SNX25: variants seen among roughly 807,000 people sequenced by gnomAD.
The protein encoded by SNX25 is sorting nexin-25.
Under a neutral mutation model 113.7 loss-of-function variants are expected in SNX25, and 62 were observed. The ratio of observed to expected loss-of-function variants is 0.55; its 90% confidence interval spans 0.44 to 0.67. SNX25 has a LOEUF of 0.67. Ranked by LOEUF, SNX25 falls within the 30% of genes least tolerant of loss-of-function variation. The probability of loss-of-function intolerance (pLI) is 0.00; values close to 1 mark genes in which losing one functional copy is unlikely to be tolerated. For synonymous variants in SNX25, 421 were observed against 436.2 expected (o/e 0.97, Z 0.43); for missense variants, 1,014 against 1,161.0 (o/e 0.87, Z 1.84).
At chr4:185,208,000 T>C (rs1186683154), upstream of SNX25, among the ~76,000 whole-genome samples, 1 of 152,226 alleles carries the variant, frequency 6.6e-6, no homozygotes, top group Non-Finnish European at 1.5e-5. Context: ...GTGCTTTATT[T>C]GAATAATTTG....
chr4:185,279,341 A>G (rs886408017), intron 5 of SNX25, among the ~76,000 whole-genome samples: 1 of 152,086 alleles, frequency 6.6e-6, no homozygotes, highest in African/African-American at 2.4e-5. Context: ...TGGTTACCTC[A>G]GTGTTCTGTT....
At chr4:185,313,042 G>T (rs1417252219) in intron 7 of SNX25, among the ~76,000 whole-genome samples, 1 of 152,146 alleles carries the variant, frequency 6.6e-6, no homozygotes, top group African/African-American at 2.4e-5. Flanking sequence ...CTTTTGCTAT[G>T]ACCTAATCAT....
At chr4:185,335,316 TCACACACACACA>T (rs3047486) in intron 10 of SNX25, among the ~76,000 whole-genome samples, 33 of 140,804 alleles carry the variant, frequency 2.3e-4, no homozygotes, top group African/African-American at 7.5e-4. Flanking sequence ...TGAAAAAGTC[TCACACACACACA>T]CACACACACA....
intron 6 of SNX25, among the ~76,000 whole-genome samples, chr4:185,300,221 A>G (rs1404997): frequency 0.46 from 68,840 of 151,272 alleles, 15,746 homozygotes; most frequent in East Asian, 0.56. Flanking sequence ...GTGCGATGGC[A>G]CGATCTCAGC....
chr4:185,321,406 G>A (rs187790016), intron 8 of SNX25, among the ~76,000 whole-genome samples: 1 of 151,960 alleles, frequency 6.6e-6, no homozygotes, highest in African/African-American at 2.4e-5. Flanking sequence ...GGGATTACAG[G>A]TGTGTGCTAC....
At chr4:185,365,856 C>T (rs865820253), downstream of SNX25, 2 of 151,990 alleles carry the variant, frequency 1.3e-5, no homozygotes, top group Admixed American at 6.6e-5. Context: ...ATCTCAAACC[C>T]GAGTCTGTTG....
chr4:185,359,651 G>C (rs1016244015), intron 16 of SNX25, among the ~76,000 whole-genome samples: 48 of 152,074 alleles, frequency 3.2e-4, no homozygotes, highest in African/African-American at 1.1e-3. Context: ...AAAATTAGCT[G>C]GGCATGGTGG....
chr4:185,239,832 G>T (rs1220278815), intron 1 of SNX25, among the ~76,000 whole-genome samples: 1 of 145,514 alleles, frequency 6.9e-6, no homozygotes, highest in African/African-American at 2.5e-5. Context: ...GGATTTGGCA[G>T]GGTCACAGGA....
rs536794711 is a variant in SNX25, at chr4:185,231,190, C to T, written c.430-16104C>T. On this transcript the variant is annotated intron_variant, in intron 1 of 18. Transcript: ENST00000652585. ...CTCGGCTCACTGCAAGCTCTGCTTC[C>T]TGGGTTCACGCCATTCTCCTGCCTC... Among the ~76,000 whole-genome samples the T allele has an allele frequency of 4.0e-5, 6 of 151,504 alleles. No homozygotes were observed. The South Asian group carries it at 1.3e-3, about 32-fold the overall frequency.
rs1561060691 is a variant in SNX25, at chr4:185,363,312, A to G, written c.2935-73A>G. 7.1e-7 allele frequency: 1 copy of G among 1,411,718 alleles called. No homozygotes were observed. Among genetic ancestry groups the G allele is most frequent in the South Asian group, 1.2e-5 (1 of 83,550 alleles). The allele number at this position is 1,411,718 out of a possible 1,614,324, so 87.4% of individuals were successfully genotyped here. ...ACCTAAAATTAGACTTTTCTCTTAG[A>G]TGCAGATATTTATTTTGAATAAACC... On this transcript the variant is annotated intron_variant, in intron 18 of 18. Transcript: ENST00000652585. The surrounding 1 kb of genome is among the most constrained non-coding windows in gnomAD (Gnocchi z 4.2).
intron 6 of SNX25, among the ~76,000 whole-genome samples, chr4:185,302,411 C>T (rs1039671442): frequency 6.6e-6 from 1 of 152,062 alleles, no homozygotes; most frequent in Non-Finnish European, 1.5e-5. Flanking sequence ...GAACCCTCCC[C>T]CTGTGGGATC....
chr4:185,298,270 G>A (rs1168287295), intron 6 of SNX25, among the ~76,000 whole-genome samples: 1 of 151,752 alleles, frequency 6.6e-6, no homozygotes, highest in African/African-American at 2.4e-5. Flanking sequence ...TGTATTTTTA[G>A]TAGAGATGAG....
In SNX25 at chr4:185,222,047, A is replaced by G. The variant is rs1420889007; in HGVS notation, c.429+11792A>G. On this transcript the variant is annotated intron_variant, in intron 1 of 18. Transcript: ENST00000652585. Reference sequence around the variant, plus strand: ...CCCTCGTTCACTGTAGGTATACAGCACCATATACCCCTCCTTCATGGTAGG... The same window carrying G: ...CCCTCGTTCACTGTAGGTATACAGCGCCATATACCCCTCCTTCATGGTAGG... 5.3e-3 allele frequency among the ~76,000 whole-genome samples: 128 copies of G among 24,264 alleles called. 2 individuals carry two copies. Among genetic ancestry groups the G allele is most frequent in the African/African-American group, 0.014 (121 of 8,656 alleles). 15.9% of individuals were successfully genotyped at this position (24,264 alleles called of 152,430 possible). A position where few individuals can be genotyped will look rare whatever the true frequency, so the allele number is the denominator to read the frequency against.
intron 16 of SNX25, among the ~76,000 whole-genome samples, chr4:185,361,559 G>A (rs2095364047): frequency 6.6e-6 from 1 of 152,060 alleles, no homozygotes; most frequent in South Asian, 2.1e-4. Context: ...CCAACATGGC[G>A]AAACCCCGTC....
At chr4:185,222,295 C>T (rs1740066198) in intron 1 of SNX25, among the ~76,000 whole-genome samples, 1 of 150,044 alleles carries the variant, frequency 6.7e-6, no homozygotes, top group South Asian at 2.2e-4. Flanking sequence ...AGGTATACAG[C>T]ACCATATACT....
intron 1 of SNX25, among the ~76,000 whole-genome samples, chr4:185,219,700 G>A (rs1739481104): frequency 6.6e-6 from 1 of 152,172 alleles, no homozygotes; most frequent in African/African-American, 2.4e-5. Flanking sequence ...ACTGGCTGCT[G>A]GGATCAAGCC....
chr4:185,316,080 T>C (rs1378925975), intron 7 of SNX25, among the ~76,000 whole-genome samples: 1 of 152,210 alleles, frequency 6.6e-6, no homozygotes, highest in African/African-American at 2.4e-5. Flanking sequence ...CAAAAGTTTT[T>C]TATGTCCTTT....
downstream of SNX25, chr4:185,372,979 G>T (rs150958039): frequency 7.4e-6 from 12 of 1,613,808 alleles, no homozygotes; most frequent in Admixed American, 5.0e-5. Flanking sequence ...GGCAGCTTCC[G>T]TATCCTGCCG....
intron 15 of SNX25, among the ~76,000 whole-genome samples, chr4:185,356,260 C>A (rs538828443): frequency 6.6e-6 from 1 of 152,048 alleles, no homozygotes; most frequent in Admixed American, 6.6e-5. Flanking sequence ...GTTTTGGTTT[C>A]TGCTCTAGTT....
Sources: gnomAD v4.1 joint callset for allele counts (sites outside exome capture counted in the v4.1 genomes callset) on GRCh38, gnomAD v4.1.1 for gene constraint, Gnocchi (gnomAD v3.1) non-coding constraint, MANE v1.5 for transcripts, NCBI Gene and HGNC (gene_info 2026-07-23, HGNC 2026-07-21) for gene names.